EPB41L4B: variants seen among roughly 807,000 people sequenced by gnomAD.
The protein encoded by EPB41L4B is erythrocyte membrane protein band 4.1 like 4B.
In EPB41L4B, 30 loss-of-function variants were observed where a neutral mutation model predicts 112.5. The observed-to-expected ratio is 0.27, with a 90% CI of 0.20 to 0.36. The LOEUF (loss-of-function observed/expected upper bound fraction) is 0.36. Ranked by LOEUF, EPB41L4B falls within the 10% of genes least tolerant of loss-of-function variation. The pLI is 1.00. For missense variants in EPB41L4B, 1,024 were observed against 1,133.3 expected (o/e 0.90, Z 1.38); for synonymous variants, 408 against 439.7 (o/e 0.93, Z 0.90).
chr9:109,191,473 G>A (rs1438939132), intron 22 of EPB41L4B, among the ~76,000 whole-genome samples: 3 of 152,120 alleles, frequency 2.0e-5, no homozygotes, highest in Non-Finnish European at 4.4e-5. Flanking sequence ...TGGGGAGAGA[G>A]AATGAGCTTC....
intron 16 of EPB41L4B, among the ~76,000 whole-genome samples, chr9:109,215,653 C>T (rs115542498): frequency 0.011 from 1,611 of 152,264 alleles, 37 homozygotes; most frequent in African/African-American, 0.037. Flanking sequence ...GCGTCCAGCC[C>T]TCAGTACTTT....
At position 109,200,316 on chromosome 9, in the gene EPB41L4B, A is replaced by G. The variant is rs1588131073; in HGVS notation, c.1965T>C (p.Arg655=). 1.2e-6 allele frequency: 2 copies of G among 1,614,096 alleles called. No individual in the cohort carries two copies. Among genetic ancestry groups the G allele is most frequent in the Non-Finnish European group, 1.7e-6 (2 of 1,179,982 alleles). The change falls in exon 20 of 26, where the codon CGT becomes CGC. Residue 655 remains arginine, a synonymous_variant. Transcript: ENST00000374566. ...DASVRSPIPI[R]VETAQPAVEK... is the part of the protein sequence containing the mutation. ...CCACAGCTGGCTGGGCAGTTTCCAC[A>G]CGAATAGGAATAGGACTTCTAGAGA... is the stretch of plus-strand genomic sequence containing the variant.
At chr9:109,219,055 GAC>G (rs1833485166) in intron 15 of EPB41L4B, among the ~76,000 whole-genome samples, 1 of 151,974 alleles carries the variant, frequency 6.6e-6, no homozygotes, top group Non-Finnish European at 1.5e-5. Context: ...TTCGGGGGAA[GAC>G]AGTTAGGTTT....
chr9:109,279,726 T>G, intron 2 of EPB41L4B, 91 bp downstream of exon 2: 1 of 1,116,678 alleles, frequency 9.0e-7, no homozygotes, highest in East Asian at 2.4e-5. Context: ...GTTTTAGTCT[T>G]GTTTTTCTCT....
chr9:109,301,616 G>C (rs1411931935), intron 1 of EPB41L4B, among the ~76,000 whole-genome samples: 3 of 152,100 alleles, frequency 2.0e-5, no homozygotes, highest in African/African-American at 7.2e-5. Flanking sequence ...TCATACAGAG[G>C]CTACTCTTTT....
intron 24 of EPB41L4B, among the ~76,000 whole-genome samples, chr9:109,178,849 G>C (rs2118591999): frequency 7.7e-6 from 1 of 130,050 alleles, no homozygotes; most frequent in South Asian, 2.4e-4. Flanking sequence ...TTGAGGTAGT[G>C]GCACCAAACT....
chr9:109,303,239 G>A, intron 1 of EPB41L4B, among the ~76,000 whole-genome samples: 1 of 151,936 alleles, frequency 6.6e-6, no homozygotes, highest in East Asian at 1.9e-4. Context: ...ATCACTTGGT[G>A]AAAGTGATAA....
intron 12 of EPB41L4B, among the ~76,000 whole-genome samples, chr9:109,252,748 G>A (rs907726193): frequency 1.9e-4 from 29 of 152,152 alleles, no homozygotes; most frequent in East Asian, 5.8e-4. Context: ...CAAACTGGGC[G>A]TCCTAAGTCG....
At chr9:109,215,012 G>C (rs1046713992) in intron 16 of EPB41L4B, among the ~76,000 whole-genome samples, 1 of 152,102 alleles carries the variant, frequency 6.6e-6, no homozygotes, top group Non-Finnish European at 1.5e-5. Flanking sequence ...GACAGAGTTC[G>C]GATTCTTCAA....
chr9:109,204,211 C>T (rs1215292899), intron 18 of EPB41L4B, among the ~76,000 whole-genome samples: 3 of 152,158 alleles, frequency 2.0e-5, no homozygotes, highest in African/African-American at 7.2e-5. Context: ...AAACCTTGTC[C>T]TCCTCCCTCT....
intron 2 of EPB41L4B, among the ~76,000 whole-genome samples, chr9:109,279,612 G>C (rs1835958601): frequency 6.6e-6 from 1 of 152,092 alleles, no homozygotes; most frequent in African/African-American, 2.4e-5. Flanking sequence ...TCCTCTCCTG[G>C]TTACTGGCCA....
At chr9:109,286,686 A>G (rs1324444655) in intron 1 of EPB41L4B, among the ~76,000 whole-genome samples, 13 of 152,230 alleles carry the variant, frequency 8.5e-5, no homozygotes, top group African/African-American at 2.9e-4. Context: ...TTACTCCCTC[A>G]CTATGGGAAG....
chr9:109,180,930 G>A (rs10114938), intron 24 of EPB41L4B, among the ~76,000 whole-genome samples: 51,578 of 151,808 alleles, frequency 0.34, 9,212 homozygotes, highest in East Asian at 0.51. Context: ...TTTAAAGAAT[G>A]AGTTGAGCCC....
chr9:109,318,228 G>C (rs1837707140), intron 1 of EPB41L4B, among the ~76,000 whole-genome samples: 1 of 151,914 alleles, frequency 6.6e-6, no homozygotes, highest in East Asian at 1.9e-4. Flanking sequence ...CATCATAGAG[G>C]AATCAAGAAA....
intron 16 of EPB41L4B, 85 bp downstream of exon 16, chr9:109,216,837 G>A: frequency 7.4e-7 from 1 of 1,350,046 alleles, no homozygotes; most frequent in Non-Finnish European, 1.1e-6. Flanking sequence ...GCACCGCAAG[G>A]GTCTGTCTTA....
chr9:109,289,685 T>C (rs1314152749), intron 1 of EPB41L4B, among the ~76,000 whole-genome samples: 2 of 152,332 alleles, frequency 1.3e-5, no homozygotes, highest in Admixed American at 6.5e-5. Flanking sequence ...TAACGCACAC[T>C]AGGACATTGA....
intron 3 of EPB41L4B, 110 bp from the exon 4 acceptor site, chr9:109,267,661 G>A: frequency 1.4e-6 from 1 of 722,990 alleles, no homozygotes; most frequent in Non-Finnish European, 2.4e-6. Flanking sequence ...CACAACATCA[G>A]GACAGCATAA....
intron 22 of EPB41L4B, among the ~76,000 whole-genome samples, chr9:109,188,142 T>C (rs1832335960): frequency 6.6e-6 from 1 of 152,172 alleles, no homozygotes; most frequent in South Asian, 2.1e-4. Flanking sequence ...TCTGCATAGA[T>C]ACATGATGAT....
intron 1 of EPB41L4B, chr9:109,307,189 C>A (rs1234708925): frequency 2.1e-6 from 1 of 472,914 alleles, no homozygotes; most frequent in African/African-American, 2.0e-5. Flanking sequence ...ATAGTACATA[C>A]AATCCTTTCC....
Sources: gnomAD v4.1 joint callset for allele counts (sites outside exome capture counted in the v4.1 genomes callset) on GRCh38, gnomAD v4.1.1 for gene constraint, MANE v1.5 for transcripts, NCBI Gene and HGNC (gene_info 2026-07-23, HGNC 2026-07-21) for gene names.